The following CAMK4 variants were observed in gnomAD, a reference collection of about 807,000 sequenced individuals.
CAMK4 encodes the protein calcium/calmodulin-dependent protein kinase type IV.
In CAMK4, 22 loss-of-function variants were observed where a neutral mutation model predicts 44.9. That is an observed-to-expected ratio of 0.49 (90% CI 0.35 to 0.70). The LOEUF is 0.70. Ranked by LOEUF, CAMK4 falls within the 30% of genes least tolerant of loss-of-function variation. The probability of loss-of-function intolerance (pLI) is 0.01; values close to 1 mark genes in which losing one functional copy is unlikely to be tolerated. For missense variants in CAMK4, 498 were observed against 586.8 expected (o/e 0.85, Z 1.56); for synonymous variants, 218 against 215.4 (o/e 1.01, Z -0.11).
At position 111,381,968 on chromosome 5, in the gene CAMK4, C is replaced by T. The variant is rs570361338; in HGVS notation, c.386+5026C>T. On this transcript the variant is annotated intron_variant, in intron 4 of 10. Transcript: ENST00000282356. ...GATCTTCCCAGTCGAGGCAACCAGACTGTCTTCTGATCCAATCCTTTCCTT... is the reference window on the plus strand; with the variant it reads ...GATCTTCCCAGTCGAGGCAACCAGATTGTCTTCTGATCCAATCCTTTCCTT... Among the ~76,000 whole-genome samples the T allele has an allele frequency of 3.3e-5, 5 of 152,166 alleles. No individual in the cohort carries two copies. The East Asian group carries it at 9.7e-4, about 29-fold the overall frequency.
In CAMK4 at chr5:111,326,992, A is replaced by C. The variant is rs575243323; in HGVS notation, c.162-17032A>C. ...AATAGAAAGCTGAGTGCTTTCTAAG[A>C]AACTGTTTTTTTTTTAAATTTTATT... is the stretch of plus-strand genomic sequence containing the variant. On this transcript the variant is annotated intron_variant, in intron 1 of 10. Transcript: ENST00000282356. 4.0e-5 allele frequency among the ~76,000 whole-genome samples: 6 copies of C among 151,864 alleles called. No homozygotes were observed. In the East Asian group the frequency reaches 1.2e-3, roughly 30 times the overall value.
chr5:111,491,044 T>C lies in CAMK4; in HGVS notation c.*6578T>C, dbSNP rs1755807900. The C allele has an allele frequency of 6.6e-6, 1 of 152,210 alleles. No homozygotes were observed. Among genetic ancestry groups the C allele is most frequent in the Admixed American group, 6.5e-5 (1 of 15,280 alleles). The allele number at this position is 152,210 out of a possible 1,614,324, so 9.4% of individuals were successfully genotyped here. A position where few individuals can be genotyped will look rare whatever the true frequency, so the allele number is the denominator to read the frequency against. On this transcript the variant is annotated 3_prime_UTR_variant, in exon 11 of 11. Transcript: ENST00000282356. Reference sequence around the variant, plus strand: ...ATTTATGCTCTTACTTGAATGTCAGTCATTCATTTTATCTCTCGTCTTTGA... The same window carrying C: ...ATTTATGCTCTTACTTGAATGTCAGCCATTCATTTTATCTCTCGTCTTTGA...
At chr5:111,409,098 T>TG (rs1752539603) in intron 5 of CAMK4, among the ~76,000 whole-genome samples, 1 of 152,196 alleles carries the variant, frequency 6.6e-6, no homozygotes, top group African/African-American at 2.4e-5. Context: ...TGGTGGCCCC[T>TG]GCTCACAGCT....
At chr5:111,397,435 C>G (rs1349708135) in intron 5 of CAMK4, among the ~76,000 whole-genome samples, 2 of 152,044 alleles carry the variant, frequency 1.3e-5, no homozygotes, top group Non-Finnish European at 1.5e-5. Context: ...CACTTACTCC[C>G]CAGCTAAGTA....
At chr5:111,346,618 A>G (rs544337636) in intron 2 of CAMK4, among the ~76,000 whole-genome samples, 7 of 151,884 alleles carry the variant, frequency 4.6e-5, no homozygotes, top group Non-Finnish European at 5.9e-5. Context: ...TTCTCTTACA[A>G]TTGTGGAGGC....
intron 4 of CAMK4, among the ~76,000 whole-genome samples, chr5:111,381,456 G>C (rs1311273205): frequency 6.6e-6 from 1 of 152,116 alleles, no homozygotes; most frequent in Non-Finnish European, 1.5e-5. Flanking sequence ...TCGGAAAGCT[G>C]AAGAACTTGG....
At chr5:111,406,254 C>T (rs1343543532) in intron 5 of CAMK4, among the ~76,000 whole-genome samples, 1 of 149,014 alleles carries the variant, frequency 6.7e-6, no homozygotes, top group Non-Finnish European at 1.5e-5. Flanking sequence ...GAGTCTTGCT[C>T]TTGTCACCCA....
At chr5:111,470,221 G>A (rs1755015933) in intron 7 of CAMK4, among the ~76,000 whole-genome samples, 1 of 152,246 alleles carries the variant, frequency 6.6e-6, no homozygotes, top group Admixed American at 6.5e-5. Context: ...GGTACAGATT[G>A]CCCCAGAGAA....
chr5:111,412,718 C>A (rs1752673305), intron 5 of CAMK4, among the ~76,000 whole-genome samples: 1 of 152,156 alleles, frequency 6.6e-6, no homozygotes, highest in Non-Finnish European at 1.5e-5. Context: ...TGAGGACTAG[C>A]TAGAACAGAG....
chr5:111,296,773 C>T (rs554075416), intron 1 of CAMK4, among the ~76,000 whole-genome samples: 8 of 152,260 alleles, frequency 5.3e-5, no homozygotes, highest in East Asian at 1.9e-4. Context: ...TGGGAAATTC[C>T]GCTGGGTGAT....
chr5:111,247,133 A>T (rs1749276419), intron 1 of CAMK4, among the ~76,000 whole-genome samples: 1 of 151,904 alleles, frequency 6.6e-6, no homozygotes, highest in Non-Finnish European at 1.5e-5. Flanking sequence ...AGCTCATAGT[A>T]CACACCTGTT....
chr5:111,477,447 AT>A (rs35364379), intron 8 of CAMK4, among the ~76,000 whole-genome samples: 55 of 151,072 alleles, frequency 3.6e-4, no homozygotes, highest in Admixed American at 2.0e-4. Context: ...TCCCACCCTC[AT>A]TTTTTTTCAA....
At chr5:111,355,423 T>C (rs1242066632) in intron 2 of CAMK4, among the ~76,000 whole-genome samples, 1 of 152,098 alleles carries the variant, frequency 6.6e-6, no homozygotes, top group Non-Finnish European at 1.5e-5. Flanking sequence ...AGCATTGTTA[T>C]GATTTGATGC....
At chr5:111,370,718 C>T (rs990530658) in intron 2 of CAMK4, among the ~76,000 whole-genome samples, 1 of 152,032 alleles carries the variant, frequency 6.6e-6, no homozygotes, top group African/African-American at 2.4e-5. Context: ...AGACAGAGAC[C>T]ATCCTGGCCA....
intron 9 of CAMK4, among the ~76,000 whole-genome samples, chr5:111,481,356 T>C (rs375154728): frequency 6.6e-6 from 1 of 152,192 alleles, no homozygotes; most frequent in Non-Finnish European, 1.5e-5. Context: ...CAGATTTTTA[T>C]TTACTACCAT....
rs550356237 is a variant in CAMK4 at position 111,254,827 on chromosome 5, G to A, written c.161+30183G>A. ...CTAGCCAAGTATGTGTGGATCATTG[G>A]GTAAAAAGGGTACTGCAGTCAGGTT... On this transcript the variant is annotated intron_variant, in intron 1 of 10. Transcript: ENST00000282356. Among the ~76,000 whole-genome samples the A allele has an allele frequency of 2.6e-5, 4 of 152,064 alleles. No individual in the cohort carries two copies. The South Asian group carries it at 8.3e-4, about 32-fold the overall frequency.
intron 2 of CAMK4, among the ~76,000 whole-genome samples, chr5:111,364,199 G>A (rs1414825846): frequency 7.9e-5 from 2 of 25,288 alleles, no homozygotes; most frequent in Admixed American, 7.8e-4. Flanking sequence ...TTAAAGATGA[G>A]AGTTATTAAT....
intron 1 of CAMK4, among the ~76,000 whole-genome samples, chr5:111,235,224 G>A (rs1009760230): frequency 6.6e-5 from 10 of 152,066 alleles, no homozygotes; most frequent in East Asian, 1.9e-4. Context: ...CTTTAGTTGC[G>A]AAAACTGCTC....
intron 1 of CAMK4, among the ~76,000 whole-genome samples, chr5:111,310,160 A>T (rs917294442): frequency 6.6e-6 from 1 of 152,128 alleles, no homozygotes; most frequent in Non-Finnish European, 1.5e-5. Context: ...CTCCTCCGTC[A>T]TGGCCACCTG....
Sources: gnomAD v4.1 joint callset for allele counts (sites outside exome capture counted in the v4.1 genomes callset) on GRCh38, gnomAD v4.1.1 for gene constraint, MANE v1.5 for transcripts, NCBI Gene and HGNC (gene_info 2026-07-23, HGNC 2026-07-21) for gene names.